Variants in CDH12 observed in about 807,000 individuals in gnomAD.
The protein encoded by CDH12 is cadherin 12.
Under a neutral mutation model 74.1 loss-of-function variants are expected in CDH12, and 41 were observed. That is an observed-to-expected ratio of 0.55 (90% CI 0.43 to 0.72). The LOEUF (loss-of-function observed/expected upper bound fraction) is 0.72. CDH12 is among the 30% of genes least tolerant of loss of function. CDH12 has a pLI of 0.00. For synonymous variants in CDH12, 399 were observed against 355.0 expected (o/e 1.12, Z -1.39); for missense variants, 945 against 977.2 (o/e 0.97, Z 0.44).
chr5:22,125,445 C>CT (rs977721322), intron 4 of CDH12, among the ~76,000 whole-genome samples: 70 of 152,230 alleles, frequency 4.6e-4, no homozygotes, highest in African/African-American at 1.6e-3. Flanking sequence ...TTAATTCTTT[C>CT]TTTTTAATGG....
intron 6 of CDH12, among the ~76,000 whole-genome samples, chr5:21,884,699 A>G (rs1374833624): frequency 6.6e-6 from 1 of 152,196 alleles, no homozygotes; most frequent in African/African-American, 2.4e-5. Flanking sequence ...GGAGAGTGAG[A>G]ATAGTTGTGT....
At chr5:22,735,622 A>C (rs1302451933) in intron 1 of CDH12, among the ~76,000 whole-genome samples, 5 of 151,982 alleles carry the variant, frequency 3.3e-5, no homozygotes, top group Non-Finnish European at 7.4e-5. Flanking sequence ...AGCATGCCAA[A>C]CAACTTATTT....
At chr5:21,939,989 A>G (rs771165855) in intron 6 of CDH12, among the ~76,000 whole-genome samples, 4 of 152,122 alleles carry the variant, frequency 2.6e-5, no homozygotes, top group Non-Finnish European at 4.4e-5. Context: ...GGGAGGCCAC[A>G]GTGAGTGGAC....
At chr5:22,821,871 G>C (rs2126477157) in intron 1 of CDH12, among the ~76,000 whole-genome samples, 1 of 151,152 alleles carries the variant, frequency 6.6e-6, no homozygotes, top group African/African-American at 2.4e-5. Flanking sequence ...CACAGAATTG[G>C]AAAAAACTAC....
chr5:22,535,965 T>G (rs1347834895), intron 1 of CDH12, among the ~76,000 whole-genome samples: 2 of 152,244 alleles, frequency 1.3e-5, no homozygotes, highest in Non-Finnish European at 2.9e-5. Context: ...GTATAGCAAC[T>G]ATTTACATAG....
At chr5:21,945,734 C>G (rs541782103) in intron 6 of CDH12, among the ~76,000 whole-genome samples, 3 of 149,456 alleles carry the variant, frequency 2.0e-5, no homozygotes, top group South Asian at 4.2e-4. Flanking sequence ...ACTGTCTGAA[C>G]AAGAAGAAGA....
intron 4 of CDH12, among the ~76,000 whole-genome samples, chr5:22,168,546 A>G (rs149032040): frequency 0.056 from 8,590 of 152,062 alleles, 257 homozygotes; most frequent in Non-Finnish European, 0.062. Context: ...ATGGATACAC[A>G]TTTATGGTAA....
intron 1 of CDH12, among the ~76,000 whole-genome samples, chr5:22,624,156 A>AAATT (rs1738142888): frequency 1.3e-5 from 2 of 151,426 alleles, no homozygotes; most frequent in Non-Finnish European, 3.0e-5. Context: ...CCTTATACAA[A>AAATT]AATTCAAGAT....
At chr5:22,530,106 C>G (rs532107842) in intron 1 of CDH12, among the ~76,000 whole-genome samples, 5 of 152,084 alleles carry the variant, frequency 3.3e-5, no homozygotes, top group African/African-American at 1.2e-4. Flanking sequence ...GTTAAAGATG[C>G]ATGTCAAAGC....
chr5:22,283,806 G>C (rs564896587), intron 3 of CDH12, among the ~76,000 whole-genome samples: 1 of 152,114 alleles, frequency 6.6e-6, no homozygotes, highest in African/African-American at 2.4e-5. Context: ...GCAAGGCGAT[G>C]GATATCTTAA....
intron 5 of CDH12, among the ~76,000 whole-genome samples, chr5:22,046,395 T>C (rs1321067261): frequency 2.6e-5 from 4 of 151,638 alleles, no homozygotes; most frequent in South Asian, 2.1e-4. Context: ...AGCTACTACC[T>C]TTATAAATTG....
intron 5 of CDH12, among the ~76,000 whole-genome samples, chr5:22,060,895 G>A (rs933457810): frequency 1.3e-5 from 2 of 152,144 alleles, no homozygotes; most frequent in Admixed American, 1.3e-4. Context: ...CCCACTACAT[G>A]TACTGGAATC....
intron 10 of CDH12, among the ~76,000 whole-genome samples, chr5:21,798,680 T>C (rs1330711988): frequency 6.6e-6 from 1 of 152,104 alleles, no homozygotes; most frequent in African/African-American, 2.4e-5. Context: ...CAGCTCTCTT[T>C]CTCTTTCTGC....
intron 3 of CDH12, among the ~76,000 whole-genome samples, chr5:22,300,208 A>G (rs114010225): frequency 2.5e-4 from 38 of 152,296 alleles, no homozygotes; most frequent in Non-Finnish European, 4.1e-4. Flanking sequence ...AGAAGCCACA[A>G]AGTAAAAGTG....
intron 3 of CDH12, among the ~76,000 whole-genome samples, chr5:22,336,598 G>A (rs951769818): frequency 1.6e-4 from 25 of 152,328 alleles, no homozygotes; most frequent in African/African-American, 6.0e-4. Flanking sequence ...GGCTTCAGAG[G>A]GTGCAAGCCA....
chr5:22,652,062 T>C (rs562030050), intron 1 of CDH12, among the ~76,000 whole-genome samples: 1 of 152,074 alleles, frequency 6.6e-6, no homozygotes, highest in South Asian at 2.1e-4. Context: ...ACTTCTAGGA[T>C]AGAATTCATA....
At chr5:22,769,278 A>G (rs1251696549) in intron 1 of CDH12, among the ~76,000 whole-genome samples, 1 of 152,170 alleles carries the variant, frequency 6.6e-6, no homozygotes, top group African/African-American at 2.4e-5. Flanking sequence ...CGCGGCTAGA[A>G]CAAAGCAGGT....
At position 21,816,941 on chromosome 5, in the gene CDH12, A is replaced by G. The variant is rs757969224; in HGVS notation, c.1002+4T>C. The G allele has an allele frequency of 1.3e-6, 2 of 1,588,642 alleles. No homozygotes were observed. Among genetic ancestry groups the G allele is most frequent in the Non-Finnish European group, 1.7e-6 (2 of 1,162,712 alleles). On this transcript the variant is annotated splice_donor_region_variant and intron_variant, in intron 9 of 14. Transcript: ENST00000382254. ...GTCAACTGTCCCAACATTTGTCTAT[A>G]TACCTTTTTCAATTTGATGACTCCC...
intron 1 of CDH12, among the ~76,000 whole-genome samples, chr5:22,825,509 A>G (rs1736272915): frequency 2.0e-5 from 3 of 152,186 alleles, no homozygotes; most frequent in Admixed American, 6.5e-5. Flanking sequence ...AAAAAGCACA[A>G]AAGCCCTGAA....
Sources: gnomAD v4.1 joint callset for allele counts (sites outside exome capture counted in the v4.1 genomes callset) on GRCh38, gnomAD v4.1.1 for gene constraint, MANE v1.5 for transcripts, NCBI Gene and HGNC (gene_info 2026-07-23, HGNC 2026-07-21) for gene names.